GNAI1: variants seen among roughly 807,000 people sequenced by gnomAD.
GNAI1 encodes guanine nucleotide-binding protein G(i) subunit alpha-1.
In GNAI1, 11 loss-of-function variants were observed where a neutral mutation model predicts 38.9. The ratio of observed to expected loss-of-function variants is 0.28; its 90% CI spans 0.18 to 0.47. The LOEUF is 0.47. Ranked by LOEUF, GNAI1 falls within the 20% of genes least tolerant of loss-of-function variation. GNAI1 has a pLI of 0.99. For synonymous variants in GNAI1, 166 were observed against 145.1 expected, an observed-to-expected ratio of 1.14 and a Z score of -1.04; for missense variants, 317 against 436.9, an observed-to-expected ratio of 0.73 and a Z score of 2.45.
chr7:80,136,243 T>G (rs1346769082), intron 1 of GNAI1, among the ~76,000 whole-genome samples: 1 of 152,214 alleles, frequency 6.6e-6, no homozygotes, highest in Non-Finnish European at 1.5e-5. Flanking sequence ...TAGGGTTTTC[T>G]TTTGTTTGCA....
chr7:80,214,174 C>A (rs980848727), intron 7 of GNAI1, among the ~76,000 whole-genome samples: 1 of 152,092 alleles, frequency 6.6e-6, no homozygotes, highest in African/African-American at 2.4e-5. Flanking sequence ...TTTTTGTGTA[C>A]GGTGAAATTA....
At chr7:80,148,877 A>G (rs1028914055) in intron 1 of GNAI1, among the ~76,000 whole-genome samples, 6 of 152,126 alleles carry the variant, frequency 3.9e-5, no homozygotes, top group Non-Finnish European at 8.8e-5. Flanking sequence ...ACTTCCTTGT[A>G]ATATATTTCC....
chr7:80,146,405 T>C (rs1467885587), intron 1 of GNAI1, among the ~76,000 whole-genome samples: 1 of 152,198 alleles, frequency 6.6e-6, no homozygotes, highest in Non-Finnish European at 1.5e-5. Context: ...AAAAGCACTT[T>C]AATAATTTTC....
At chr7:80,205,949 C>G (rs1039113081) in intron 5 of GNAI1, among the ~76,000 whole-genome samples, 1 of 151,596 alleles carries the variant, frequency 6.6e-6, no homozygotes, top group Non-Finnish European at 1.5e-5. Flanking sequence ...CTGAAATGGT[C>G]GTGATGATAA....
intron 1 of GNAI1, among the ~76,000 whole-genome samples, chr7:80,171,779 A>C (rs1345986489): frequency 6.6e-6 from 1 of 152,122 alleles, no homozygotes; most frequent in Non-Finnish European, 1.5e-5. Flanking sequence ...CTTTCATAGG[A>C]GGGCTCTTCA....
chr7:80,138,033 A>G (rs1420678606), intron 1 of GNAI1, among the ~76,000 whole-genome samples: 1 of 152,238 alleles, frequency 6.6e-6, no homozygotes, highest in Non-Finnish European at 1.5e-5. Context: ...GCAGTAGAAT[A>G]AACTAGAAAT....
chr7:80,135,439 C>CT (rs1357214204), intron 1 of GNAI1, 161 bp downstream of exon 1: 2 of 434,492 alleles, frequency 4.6e-6, no homozygotes, highest in African/African-American at 4.1e-5. Flanking sequence ...GCGGGTCCCC[C>CT]TCTCCCGGTG....
chr7:80,139,784 T>A (rs1029561523), intron 1 of GNAI1, among the ~76,000 whole-genome samples: 1 of 152,038 alleles, frequency 6.6e-6, no homozygotes, highest in Non-Finnish European at 1.5e-5. Flanking sequence ...GGTTTAAGAT[T>A]TTTTTTCATA....
chr7:80,178,942 C>G (rs1788243240), intron 1 of GNAI1, among the ~76,000 whole-genome samples: 1 of 152,108 alleles, frequency 6.6e-6, no homozygotes, highest in South Asian at 2.1e-4. Context: ...ATTGAATGAT[C>G]CACCCTTTTC....
intron 3 of GNAI1, among the ~76,000 whole-genome samples, chr7:80,198,217 C>T (rs1788615801): frequency 6.6e-6 from 1 of 151,662 alleles, no homozygotes; most frequent in Non-Finnish European, 1.5e-5. Context: ...GCATAAAATA[C>T]ACACCAGATG....
intron 3 of GNAI1, among the ~76,000 whole-genome samples, chr7:80,198,089 T>A (rs1788612199): frequency 6.6e-6 from 1 of 151,966 alleles, no homozygotes; most frequent in South Asian, 2.1e-4. Flanking sequence ...TTTTGTTTTT[T>A]TTTTAATTGT....
intron 1 of GNAI1, among the ~76,000 whole-genome samples, chr7:80,147,527 T>C (rs1230259318): frequency 6.6e-6 from 1 of 152,080 alleles, no homozygotes; most frequent in Non-Finnish European, 1.5e-5. Context: ...TAAATGTTGT[T>C]TAAGCCACCC....
At chr7:80,203,104 A>T (rs1433791232) in intron 4 of GNAI1, among the ~76,000 whole-genome samples, 4 of 152,204 alleles carry the variant, frequency 2.6e-5, no homozygotes, top group African/African-American at 9.7e-5. Context: ...ATATCACAAC[A>T]TATGTAGCAC....
In GNAI1 at chr7:80,220,219, C is replaced by T. The variant is rs1648353196; in HGVS notation, c.*2726C>T. On this transcript the variant is annotated 3_prime_UTR_variant, in exon 8 of 8. Transcript: ENST00000649796. ...GTGTCCTGTGCATAACCTGGGCTTT[C>T]CTCCAAGTACTGTATTACTTACTAC... Among the ~76,000 whole-genome samples the T allele has an allele frequency of 1.4e-5, 2 of 141,212 alleles. No homozygotes were observed. The highest frequency in any genetic ancestry group is 3.0e-5 in the Non-Finnish European group (2 of 66,096). The allele number at this position is 141,212 out of a possible 152,430, so 92.6% of individuals were successfully genotyped here.
intron 1 of GNAI1, among the ~76,000 whole-genome samples, chr7:80,164,121 T>C (rs865847674): frequency 5.5e-5 from 8 of 144,866 alleles, no homozygotes; most frequent in Non-Finnish European, 9.0e-5. Flanking sequence ...CTTGGCTCAC[T>C]GCAACCTCCA....
rs545940276 is a variant in GNAI1 at position 80,180,351 on chromosome 7, A to G, written c.119-8600A>G. On this transcript the variant is annotated intron_variant, in intron 1 of 7. Transcript: ENST00000649796. ...TGTGTGTGTGTGTGTGTGTGTGTGT[A>G]TATAAAGTGTAAATGTGAAGTTAGT... 7.0e-3 allele frequency among the ~76,000 whole-genome samples: 1,051 copies of G among 149,690 alleles called. 6 individuals are homozygous for G. Among genetic ancestry groups the G allele is most frequent in the Non-Finnish European group, 0.01 (699 of 67,226 alleles).
At chr7:80,137,307 C>CTTT (rs1787435379) in intron 1 of GNAI1, among the ~76,000 whole-genome samples, 4 of 61,196 alleles carry the variant, frequency 6.5e-5, no homozygotes, top group South Asian at 5.8e-4. Context: ...TTTTTTTTTT[C>CTTT]TTTTCTTTTC....
chr7:80,189,425 T>G (rs1788442609), intron 3 of GNAI1, among the ~76,000 whole-genome samples, 194 bp downstream of exon 3: 1 of 152,202 alleles, frequency 6.6e-6, no homozygotes, highest in African/African-American at 2.4e-5. Flanking sequence ...GTATAATCTC[T>G]CCTTTATGCT....
chr7:80,193,018 T>A (rs975893813), intron 3 of GNAI1, among the ~76,000 whole-genome samples: 4 of 152,042 alleles, frequency 2.6e-5, no homozygotes, highest in African/African-American at 4.8e-5. Context: ...TGTTTTTTTT[T>A]TTGTTTTTAA....
Sources: allele counts gnomAD v4.1 joint callset (sites outside exome capture counted in the v4.1 genomes callset), GRCh38; gene constraint gnomAD v4.1.1; transcripts MANE v1.5; gene names NCBI Gene and HGNC (gene_info 2026-07-23, HGNC 2026-07-21).